Variants in SCMH1 observed in about 807,000 individuals in gnomAD.
SCMH1 encodes the protein Scm polycomb group protein homolog 1.
In SCMH1, 37 loss-of-function variants were observed where a neutral mutation model predicts 70.8. The observed-to-expected ratio is 0.52, with a 90% CI of 0.40 to 0.69. SCMH1 has a LOEUF of 0.69. SCMH1 is among the 30% of genes least tolerant of loss of function. The pLI is 0.00. For missense variants in SCMH1, 607 were observed against 827.3 expected, an observed-to-expected ratio of 0.73 and a Z score of 3.27; for synonymous variants, 292 against 307.4, an observed-to-expected ratio of 0.95 and a Z score of 0.52.
At chr1:41,210,665 C>T (rs2148794519) in intron 1 of SCMH1, among the ~76,000 whole-genome samples, 1 of 152,200 alleles carries the variant, frequency 6.6e-6, no homozygotes, top group African/African-American at 2.4e-5. Flanking sequence ...ATGCAGAAAG[C>T]TGAAACTGGA....
At chr1:41,055,411 G>A (rs1476861926) in intron 10 of SCMH1, among the ~76,000 whole-genome samples, 1 of 152,068 alleles carries the variant, frequency 6.6e-6, no homozygotes, top group Non-Finnish European at 1.5e-5. Context: ...GTGCAGTGGT[G>A]CAATCTCAGC....
rs1669808032 is a variant in SCMH1, at chr1:41,113,849, T to G, written c.502-323A>C. Among the ~76,000 whole-genome samples, 1 of 152,148 alleles carries G rather than the reference T, an allele frequency of 6.6e-6. No homozygotes were observed. The highest frequency in any genetic ancestry group is 2.4e-5 in the African/African-American group (1 of 41,442). On this transcript the variant is annotated intron_variant, in intron 7 of 14. Transcript: ENST00000337495. This position sits in a 1 kb window ranked among gnomAD's most constrained non-coding sequence, Gnocchi z 4.3. ...CGGAGGTAACAGCTACCCATGCATG[T>G]TTTATATTTTACTATATACATACAT...
intron 12 of SCMH1, among the ~76,000 whole-genome samples, chr1:41,039,709 A>C (rs1391276370): frequency 6.6e-6 from 1 of 151,890 alleles, no homozygotes; most frequent in Non-Finnish European, 1.5e-5. Context: ...CCTGGCTTCA[A>C]GTGATCTGCC....
chr1:41,159,825 T>C (rs1295384280), intron 4 of SCMH1: 24 of 1,453,936 alleles, frequency 1.7e-5, no homozygotes, highest in Non-Finnish European at 1.9e-5. Context: ...AGTCTGAGTA[T>C]AGCCGCTGAA....
intron 2 of SCMH1, among the ~76,000 whole-genome samples, chr1:41,168,742 A>C (rs1216873399): frequency 6.7e-6 from 1 of 150,226 alleles, no homozygotes; most frequent in Non-Finnish European, 1.5e-5. Flanking sequence ...GACTGGCCTC[A>C]TGTAGGAGAA....
At chr1:41,093,167 C>T (rs1443647016) in intron 8 of SCMH1, among the ~76,000 whole-genome samples, 11 of 151,698 alleles carry the variant, frequency 7.3e-5, no homozygotes, top group African/African-American at 1.7e-4. Context: ...ATGTGGCACA[C>T]GTACACCATG....
intron 2 of SCMH1, among the ~76,000 whole-genome samples, chr1:41,184,242 C>T (rs966860713): frequency 6.6e-6 from 1 of 152,056 alleles, no homozygotes. Flanking sequence ...TATACCAGGC[C>T]GAGTGCCAGG....
chr1:41,138,198 G>GC (rs1242738323), intron 6 of SCMH1, among the ~76,000 whole-genome samples: 2 of 152,084 alleles, frequency 1.3e-5, no homozygotes, highest in East Asian at 3.9e-4. Flanking sequence ...AAAAGACTTG[G>GC]CTTTTTTTTT....
chr1:41,054,808 C>A (rs970468651), intron 10 of SCMH1, among the ~76,000 whole-genome samples: 5 of 152,196 alleles, frequency 3.3e-5, no homozygotes, highest in Admixed American at 6.5e-5. Flanking sequence ...CAGACAGGGT[C>A]TTGCTCTGTC....
intron 2 of SCMH1, among the ~76,000 whole-genome samples, chr1:41,163,550 T>C (rs75473241): frequency 6.6e-6 from 1 of 152,112 alleles, no homozygotes. Flanking sequence ...GTCACTAAGG[T>C]GGTCGCTAAT....
At chr1:41,200,454 TGAGC>T (rs938690942) in intron 1 of SCMH1, among the ~76,000 whole-genome samples, 2 of 151,370 alleles carry the variant, frequency 1.3e-5, no homozygotes, top group African/African-American at 2.4e-5. Flanking sequence ...CACTCCAGCC[TGAGC>T]GAGAGCAAAA....
chr1:41,191,956 G>A (rs1362919465), intron 1 of SCMH1, among the ~76,000 whole-genome samples: 1 of 152,114 alleles, frequency 6.6e-6, no homozygotes, highest in Non-Finnish European at 1.5e-5. Flanking sequence ...GAAAGTCACT[G>A]CTAATCTATA....
At chr1:41,058,391 T>TTTTTTTTTTTTTTTTTTTTTTTTTG (rs1651339003) in intron 10 of SCMH1, among the ~76,000 whole-genome samples, 1 of 132,022 alleles carries the variant, frequency 7.6e-6, no homozygotes, top group Non-Finnish European at 1.6e-5. Flanking sequence ...TTTTTTTTTT[T>TTTTTTTTTTTTTTTTTTTTTTTTTG]TTTTTTTTTG....
chr1:41,209,967 C>A (rs191625718), intron 1 of SCMH1, among the ~76,000 whole-genome samples: 10 of 152,190 alleles, frequency 6.6e-5, no homozygotes, highest in South Asian at 2.1e-4. Context: ...AAAACCCCAT[C>A]GTCTCAGCCC....
At chr1:41,091,034 G>A (rs1457108732) in intron 8 of SCMH1, among the ~76,000 whole-genome samples, 13 of 32,318 alleles carry the variant, frequency 4.0e-4, no homozygotes, top group East Asian at 1.7e-3. Context: ...GCGAGACTCC[G>A]TGTCAAAAAA....
At chr1:41,064,743 T>A (rs891670728) in intron 10 of SCMH1, among the ~76,000 whole-genome samples, 6 of 150,980 alleles carry the variant, frequency 4.0e-5, no homozygotes, top group Admixed American at 3.3e-4. Context: ...CGAGAAACCA[T>A]CTCTATAAAA....
rs1646082511 is a variant in SCMH1 at position 41,041,003 on chromosome 1, G to C, written c.1499-3462C>G. Among the ~76,000 whole-genome samples, 3 of 152,212 alleles carry C rather than the reference G, an allele frequency of 2.0e-5. No homozygotes were observed. The South Asian group carries it at 6.2e-4, about 32-fold the overall frequency. On this transcript the variant is annotated intron_variant, in intron 12 of 14. Coordinates refer to ENST00000337495, the Ensembl canonical transcript of SCMH1. ...CTGTCATCAGGAATATTTAAGCAGA[G>C]GTCAGATGACCACCCTCATGTGTTG... is the stretch of plus-strand genomic sequence containing the variant.
At chr1:41,129,780 A>T (rs576423411) in intron 6 of SCMH1, among the ~76,000 whole-genome samples, 2 of 152,258 alleles carry the variant, frequency 1.3e-5, no homozygotes, top group African/African-American at 4.8e-5. Flanking sequence ...GAATCACAGA[A>T]TTCTACTTTT....
At chr1:41,054,513 G>T (rs1051024215) in intron 10 of SCMH1, among the ~76,000 whole-genome samples, 1 of 152,116 alleles carries the variant, frequency 6.6e-6, no homozygotes, top group Non-Finnish European at 1.5e-5. Context: ...CTCTAGAAAA[G>T]GACAGTAAAA....
Sources: gnomAD v4.1 joint callset for allele counts (sites outside exome capture counted in the v4.1 genomes callset) on GRCh38, gnomAD v4.1.1 for gene constraint, Gnocchi (gnomAD v3.1) non-coding constraint, MANE v1.5 for transcripts, NCBI Gene and HGNC (gene_info 2026-07-23, HGNC 2026-07-21) for gene names.